Variants in MEIS2 observed in about 807,000 individuals in gnomAD.
MEIS2 encodes the protein Meis homeobox 2.
Under a neutral mutation model 58.6 loss-of-function variants are expected in MEIS2, and 9 were observed. That is an observed-to-expected ratio of 0.15 (90% CI 0.09 to 0.27). The LOEUF is 0.27. Ranked by LOEUF, MEIS2 falls within the 10% of genes least tolerant of loss-of-function variation. MEIS2 has a pLI of 1.00. For missense variants in MEIS2, 427 were observed against 635.0 expected (o/e 0.67, Z 3.52); for synonymous variants, 221 against 228.4 (o/e 0.97, Z 0.29).
chr15:36,960,958 A>T (rs1382439729), intron 8 of MEIS2, among the ~76,000 whole-genome samples: 1 of 152,160 alleles, frequency 6.6e-6, no homozygotes, highest in Non-Finnish European at 1.5e-5. Flanking sequence ...CCATCAAAAA[A>T]GGTCAGTTAG....
intron 7 of MEIS2, among the ~76,000 whole-genome samples, chr15:37,039,634 T>C (rs1348987715): frequency 1.3e-5 from 2 of 152,174 alleles, no homozygotes; most frequent in Non-Finnish European, 2.9e-5. Context: ...AGAAAAAATA[T>C]AGCTAGATTG....
At chr15:37,075,883 C>G (rs1035638927) in intron 7 of MEIS2, among the ~76,000 whole-genome samples, 2 of 151,968 alleles carry the variant, frequency 1.3e-5, no homozygotes, top group African/African-American at 4.8e-5. Flanking sequence ...CACACTCCCT[C>G]TAGGTCTCTT....
intron 8 of MEIS2, among the ~76,000 whole-genome samples, chr15:37,014,755 A>G (rs889108808): frequency 6.6e-6 from 1 of 152,126 alleles, no homozygotes; most frequent in Admixed American, 6.5e-5. Flanking sequence ...GTAACACTCA[A>G]AAGTTCTCTA....
At chr15:37,014,861 G>C (rs915671311) in intron 8 of MEIS2, among the ~76,000 whole-genome samples, 15 of 127,886 alleles carry the variant, frequency 1.2e-4, no homozygotes, top group African/African-American at 1.8e-4. Context: ...TTTTTTTTTT[G>C]CTCCTTATCA....
chr15:37,067,202 G>A (rs1199504884), intron 7 of MEIS2, among the ~76,000 whole-genome samples: 2 of 150,138 alleles, frequency 1.3e-5, no homozygotes, highest in Non-Finnish European at 2.9e-5. Flanking sequence ...CGATCCTTCT[G>A]TCTCAGCCTC....
intron 8 of MEIS2, among the ~76,000 whole-genome samples, chr15:37,014,266 G>A (rs545123652): frequency 6.6e-6 from 1 of 152,292 alleles, no homozygotes; most frequent in African/African-American, 2.4e-5. Flanking sequence ...ACAAAAACAA[G>A]GGTCGATTAT....
chr15:36,980,573 T>A (rs2059899942), intron 8 of MEIS2, among the ~76,000 whole-genome samples: 1 of 152,082 alleles, frequency 6.6e-6, no homozygotes, highest in South Asian at 2.1e-4. Flanking sequence ...TTCAATTACT[T>A]CCCACTGGGT....
rs2055798135 is a variant in MEIS2, at chr15:36,890,287, C to A, written c.*1886G>T. ...GCCTCACCCTTTTTGCACACTTTAG[C>A]AGACATTGTTTGTGCAGTATCAATA... On this transcript the variant is annotated 3_prime_UTR_variant, in exon 12 of 12. Coordinates refer to ENST00000561208, the MANE Select transcript of MEIS2 (RefSeq NM_170675.5). The A allele has an allele frequency of 6.6e-6, 1 of 152,158 alleles. No homozygotes were observed. Among genetic ancestry groups the A allele is most frequent in the Non-Finnish European group, 1.5e-5 (1 of 68,008 alleles). 9.4% of individuals were successfully genotyped at this position (152,158 alleles called of 1,614,324 possible).
At chr15:36,993,042 G>A (rs1334735604) in intron 8 of MEIS2, among the ~76,000 whole-genome samples, 1 of 152,104 alleles carries the variant, frequency 6.6e-6, no homozygotes, top group African/African-American at 2.4e-5. Context: ...TAAATTATCT[G>A]TAGCTGAGGA....
chr15:37,025,872 A>G (rs1003566951), intron 8 of MEIS2, among the ~76,000 whole-genome samples: 3 of 152,162 alleles, frequency 2.0e-5, no homozygotes, highest in Admixed American at 2.0e-4. Flanking sequence ...TTTTACTAGA[A>G]AACATAAAAC....
chr15:36,974,849 G>A (rs2059687415), intron 8 of MEIS2, among the ~76,000 whole-genome samples: 1 of 152,178 alleles, frequency 6.6e-6, no homozygotes, highest in South Asian at 2.1e-4. Context: ...CATCAGAATT[G>A]TTCTTGAAAC....
At chr15:37,061,650 T>G (rs1567242368) in intron 7 of MEIS2, among the ~76,000 whole-genome samples, 1 of 152,154 alleles carries the variant, frequency 6.6e-6, no homozygotes. Flanking sequence ...ATACTTGCCT[T>G]TAACACTTTA....
At chr15:37,038,528 G>A (rs2062259154) in intron 7 of MEIS2, among the ~76,000 whole-genome samples, 1 of 152,172 alleles carries the variant, frequency 6.6e-6, no homozygotes, top group Non-Finnish European at 1.5e-5. Flanking sequence ...TGGAAGAGAT[G>A]ACCCTCACTA....
chr15:36,920,771 G>T (rs2057475353), intron 9 of MEIS2, among the ~76,000 whole-genome samples: 1 of 152,118 alleles, frequency 6.6e-6, no homozygotes, highest in African/African-American at 2.4e-5. Context: ...ACAATAAAAA[G>T]TTATAAAGTA....
At chr15:37,071,152 T>A (rs1382179104) in intron 7 of MEIS2, among the ~76,000 whole-genome samples, 1 of 152,020 alleles carries the variant, frequency 6.6e-6, no homozygotes, top group African/African-American at 2.4e-5. Context: ...CAAAAAAAAA[T>A]AATTATTATT....
chr15:36,996,031 A>G (rs2060506745), intron 8 of MEIS2, among the ~76,000 whole-genome samples: 1 of 103,642 alleles, frequency 9.6e-6, no homozygotes, highest in South Asian at 3.9e-4. Context: ...GTGTATATAT[A>G]TACACACACA....
intron 8 of MEIS2, among the ~76,000 whole-genome samples, chr15:36,963,404 C>G (rs1343625369): frequency 6.7e-6 from 1 of 149,842 alleles, no homozygotes; most frequent in Admixed American, 6.7e-5. Context: ...AAGAGTGAAA[C>G]TTGGATTTGA....
intron 8 of MEIS2, among the ~76,000 whole-genome samples, chr15:36,956,092 AG>A (rs1179903093): frequency 7.3e-6 from 1 of 137,186 alleles, no homozygotes; most frequent in Non-Finnish European, 1.5e-5. Flanking sequence ...GCTACTCGGG[AG>A]GCTGAGGCAG....
chr15:36,975,427 G>A (rs1208026290), intron 8 of MEIS2, among the ~76,000 whole-genome samples: 1 of 148,714 alleles, frequency 6.7e-6, no homozygotes, highest in Non-Finnish European at 1.5e-5. Flanking sequence ...GTAGAATCAT[G>A]AAACTTCTTA....
Sources: gnomAD v4.1 joint callset for allele counts (sites outside exome capture counted in the v4.1 genomes callset) on GRCh38, gnomAD v4.1.1 for gene constraint, MANE v1.5 for transcripts, NCBI Gene and HGNC (gene_info 2026-07-23, HGNC 2026-07-21) for gene names.